Variants in KIF9 observed in about 807,000 individuals in gnomAD.
KIF9 encodes the protein kinesin-like protein KIF9.
Under a neutral mutation model 94.8 loss-of-function variants are expected in KIF9, and 68 were observed. That is an observed-to-expected ratio of 0.72 (90% CI 0.59 to 0.88). The LOEUF is 0.88. KIF9 is among the 40% of genes least tolerant of loss of function. The probability of loss-of-function intolerance (pLI) is 0.00; values close to 1 mark genes in which losing one functional copy is unlikely to be tolerated. For missense variants in KIF9, 882 were observed against 982.5 expected (o/e 0.90, Z 1.37); for synonymous variants, 343 against 362.1 (o/e 0.95, Z 0.60).
At chr3:47,250,541 C>T (rs561497485) in intron 10 of KIF9, 18 of 471,792 alleles carry the variant, frequency 3.8e-5, no homozygotes, top group South Asian at 2.2e-4. Context: ...GGGTAATGTG[C>T]CAATGTCGTA....
intron 1 of KIF9, 142 bp from the exon 2 acceptor site, chr3:47,277,521 C>T (rs1702058312): frequency 9.8e-6 from 6 of 614,112 alleles, no homozygotes; most frequent in East Asian, 8.5e-5. Flanking sequence ...TTTTCCTTTT[C>T]ACCCCTCAGC....
rs1245808712 is a variant in KIF9, at chr3:47,266,886, C to T, written c.768+90G>A. On this transcript the variant is annotated intron_variant, in intron 7 of 20. Coordinates refer to ENST00000684063, the MANE Select transcript of KIF9 (RefSeq NM_182902.4). Reference sequence around the variant, plus strand: ...AGCTCAGGACTGTGTTCACAAATATCCAATGAGTCATGGCCCAGATGTGCA... The same window carrying T: ...AGCTCAGGACTGTGTTCACAAATATTCAATGAGTCATGGCCCAGATGTGCA... The T allele has an allele frequency of 5.2e-6, 5 of 957,090 alleles. No homozygotes were observed. The East Asian group carries it at 7.2e-5, about 14-fold the overall frequency. 59.3% of individuals were successfully genotyped at this position (957,090 alleles called of 1,614,324 possible). A position where few individuals can be genotyped will look rare whatever the true frequency, so the allele number is the denominator to read the frequency against.
rs934591392 is a variant in KIF9, at chr3:47,236,576, T to A, written c.1968A>T (p.Glu656Asp). 2 of 1,614,028 alleles carry A rather than the reference T, an allele frequency of 1.2e-6. No homozygotes were observed. Among genetic ancestry groups the A allele is most frequent in the Non-Finnish European group, 1.7e-6 (2 of 1,180,022 alleles). ...NKGLMIIDEEEFLLILKLKDL... is the reference protein window; with the variant it reads ...NKGLMIIDEEDFLLILKLKDL... ...CTTTGAGCTTGAGGATCAGCAGGAA[T>A]TCTTCCTCATCGATGATCATCAGCC... The change falls in exon 18 of 21, where the codon GAA (glutamate) becomes GAT (aspartate). Residue 656 changes from glutamate to aspartate, a missense_variant. By Grantham distance (45) the Glu-to-Asp change is conservative. Coordinates refer to ENST00000684063, the MANE Select transcript of KIF9 (RefSeq NM_182902.4).
intron 9 of KIF9, among the ~76,000 whole-genome samples, chr3:47,263,300 G>C (rs1412251980): frequency 6.6e-6 from 1 of 152,168 alleles, no homozygotes; most frequent in Non-Finnish European, 1.5e-5. Context: ...CACTGGGCTA[G>C]ACCTTTATTC....
chr3:47,263,654 C>A, intron 9 of KIF9: 1 of 355,946 alleles, frequency 2.8e-6, no homozygotes, highest in Non-Finnish European at 5.5e-6. Context: ...CAGTGCCCAT[C>A]TTTCCCTACT....
chr3:47,242,530 A>G (rs749859823), intron 16 of KIF9, among the ~76,000 whole-genome samples: 1 of 152,238 alleles, frequency 6.6e-6, no homozygotes, highest in African/African-American at 2.4e-5. Context: ...GGACAACCCA[A>G]TGGCAGAGAA....
At chr3:47,274,362 C>T (rs533181435) in intron 3 of KIF9, among the ~76,000 whole-genome samples, 4 of 152,332 alleles carry the variant, frequency 2.6e-5, no homozygotes, top group South Asian at 2.1e-4. Context: ...CCCTGAGCTC[C>T]GGCTCCTATC....
At chr3:47,245,555 C>G in intron 13 of KIF9, 44 bp from the exon 14 acceptor site, 1 of 1,453,710 alleles carries the variant, frequency 6.9e-7, no homozygotes, top group Non-Finnish European at 9.7e-7. Context: ...TGGGGCCATG[C>G]TGAATCCACT....
intron 4 of KIF9, 129 bp downstream of exon 4, chr3:47,273,423 T>C: frequency 1.5e-6 from 1 of 653,526 alleles, no homozygotes; most frequent in Non-Finnish European, 2.6e-6. Context: ...TTGTCTCCAG[T>C]ACCAGTATCC....
chr3:47,232,083 C>T (rs1698630224), intron 20 of KIF9, among the ~76,000 whole-genome samples: 1 of 152,266 alleles, frequency 6.6e-6, no homozygotes, highest in Admixed American at 6.5e-5. Context: ...GAAGGCTTTA[C>T]CCTCAGGGAT....
In KIF9 at chr3:47,240,273, C is replaced by G. The variant is rs138643260; in HGVS notation, c.1924+528G>C. The G allele has an allele frequency of 3.1e-5, 7 of 226,334 alleles. No homozygotes were observed. In the East Asian group the frequency reaches 7.4e-4, roughly 24 times the overall value. 14.0% of individuals were successfully genotyped at this position (226,334 alleles called of 1,614,324 possible). On this transcript the variant is annotated intron_variant, in intron 17 of 20. Coordinates refer to ENST00000684063, the MANE Select transcript of KIF9 (RefSeq NM_182902.4). Reference sequence around the variant, plus strand: ...CTGCCACCAGCTCTAGGAGATAAGACTCTGACAGACCAGCACGGGTGTCAG... The same window carrying G: ...CTGCCACCAGCTCTAGGAGATAAGAGTCTGACAGACCAGCACGGGTGTCAG...
chr3:47,265,029 T>C (rs942119491), intron 8 of KIF9, among the ~76,000 whole-genome samples: 3 of 152,218 alleles, frequency 2.0e-5, no homozygotes, highest in Non-Finnish European at 4.4e-5. Context: ...TCTCCAGAAC[T>C]ATGTGAAATA....
At chr3:47,268,197 G>A (rs1370631819) in intron 5 of KIF9, among the ~76,000 whole-genome samples, 1 of 152,112 alleles carries the variant, frequency 6.6e-6, no homozygotes, top group Non-Finnish European at 1.5e-5. Flanking sequence ...TAAAGGGACA[G>A]TAGGCCCTTA....
intron 20 of KIF9, among the ~76,000 whole-genome samples, chr3:47,234,540 A>G (rs1698867619): frequency 8.3e-6 from 1 of 120,556 alleles, no homozygotes; most frequent in Non-Finnish European, 1.8e-5. Flanking sequence ...AGCCAGAGCC[A>G]CTGTGCCCAG....
intron 9 of KIF9, among the ~76,000 whole-genome samples, chr3:47,262,747 G>A (rs1426715817): frequency 3.3e-5 from 5 of 152,160 alleles, no homozygotes; most frequent in Admixed American, 6.5e-5. Context: ...ACACAGCTGC[G>A]AGACCCTGCA....
chr3:47,232,690 T>C (rs1212450964), intron 20 of KIF9, among the ~76,000 whole-genome samples: 4 of 151,822 alleles, frequency 2.6e-5, no homozygotes, highest in Non-Finnish European at 4.4e-5. Context: ...CAAAAAACTA[T>C]AAGGAAAGTC....
At position 47,266,107 on chromosome 3, in the gene KIF9, C is replaced by T. The variant is rs578212395; in HGVS notation, c.769-230G>A. On this transcript the variant is annotated intron_variant, in intron 7 of 20. Coordinates refer to ENST00000684063, the MANE Select transcript of KIF9 (RefSeq NM_182902.4). ...GTGAACACTCATGTGAATACTCATG[C>T]GAATGTGAATGCTTACATGAATATT... 5 of 450,422 alleles carry T rather than the reference C, an allele frequency of 1.1e-5. 1 individual carries two copies. The South Asian group carries it at 1.5e-4, about 14-fold the overall frequency. The allele number at this position is 450,422 out of a possible 1,614,324, so 27.9% of individuals were successfully genotyped here.
At chr3:47,253,470 T>C (rs1259927116) in intron 10 of KIF9, among the ~76,000 whole-genome samples, 2 of 152,078 alleles carry the variant, frequency 1.3e-5, no homozygotes, top group African/African-American at 4.8e-5. Flanking sequence ...ATTTTTTTTT[T>C]TTTAAGAAGT....
chr3:47,244,555 G>A, intron 15 of KIF9: 2 of 534,026 alleles, frequency 3.7e-6, no homozygotes, highest in Non-Finnish European at 6.8e-6. Context: ...TCAGTGTAAT[G>A]AAGACATTAA....
Sources: allele counts gnomAD v4.1 joint callset (sites outside exome capture counted in the v4.1 genomes callset), GRCh38; gene constraint gnomAD v4.1.1; transcripts MANE v1.5; gene names NCBI Gene and HGNC (gene_info 2026-07-23, HGNC 2026-07-21).